The following PCDHA10 variants were observed in gnomAD, a reference collection of about 807,000 sequenced individuals.
The protein encoded by PCDHA10 is protocadherin alpha 10, also known as protocadherin alpha-10.
In PCDHA10, 45 loss-of-function variants were observed where a neutral mutation model predicts 61.2. The ratio of observed to expected loss-of-function variants is 0.74; its 90% CI spans 0.58 to 0.94. PCDHA10 has a LOEUF of 0.94. PCDHA10 is among the 40% of genes least tolerant of loss of function. The pLI is 0.00. For missense variants in PCDHA10, 1,278 were observed against 1,236.2 expected (o/e 1.03, Z -0.51); for synonymous variants, 602 against 548.8 (o/e 1.10, Z -1.35).
At chr5:140,925,787 C>T (rs972978659) in intron 1 of PCDHA10, among the ~76,000 whole-genome samples, 2 of 152,040 alleles carry the variant, frequency 1.3e-5, no homozygotes, top group Admixed American at 6.6e-5. Context: ...TAATGAGTAT[C>T]TCAGTACTTT....
chr5:140,927,614 A>G (rs1554204810), intron 1 of PCDHA10: 10 of 1,614,204 alleles, frequency 6.2e-6, no homozygotes, highest in South Asian at 1.1e-5. Flanking sequence ...TACCGCACCA[A>G]GGTTCCAGAG....
At chr5:140,928,536 GA>G (rs782686789) in intron 1 of PCDHA10, 1 of 1,614,228 alleles carries the variant, frequency 6.2e-7, no homozygotes, top group Non-Finnish European at 8.5e-7. Context: ...TGGTAGATAG[GA>G]ATGACAATTA....
Position 140,926,837 on chromosome 5 carries a change from G to A in PCDHA10, c.2389-52112G>A, listed in dbSNP as rs1170899993. 11 of 1,513,410 alleles carry A rather than the reference G, an allele frequency of 7.3e-6. No individual in the cohort carries two copies. In the African/African-American group the frequency reaches 1.4e-4, roughly 19 times the overall value. 93.7% of individuals were successfully genotyped at this position (1,513,410 alleles called of 1,614,324 possible). ...GTGCTCTCCAGGAGTCCGGAGCATG[G>A]TCCTGGGTCACCGTTGGTGTAGCGT... On this transcript the variant is annotated intron_variant, in intron 1 of 3. Coordinates refer to ENST00000307360, the MANE Select transcript of PCDHA10 (RefSeq NM_018901.4).
intron 1 of PCDHA10, among the ~76,000 whole-genome samples, chr5:140,908,155 G>C (rs559304647): frequency 6.6e-6 from 1 of 152,194 alleles, no homozygotes; most frequent in Non-Finnish European, 1.5e-5. Context: ...TCCTAGGAAG[G>C]GGCTGTAGTG....
chr5:140,968,203 G>A, intron 1 of PCDHA10: 5 of 1,614,018 alleles, frequency 3.1e-6, no homozygotes, highest in Non-Finnish European at 4.2e-6. Context: ...TCTACATACA[G>A]GAGAACAATT....
Position 140,855,925 on chromosome 5 carries a change from C to A in PCDHA10, c.-124C>A. 1.6e-6 allele frequency: 2 copies of A among 1,240,618 alleles called. No individual in the cohort carries two copies. Among genetic ancestry groups the A allele is most frequent in the African/African-American group, 1.5e-5 (1 of 66,734 alleles). The allele number at this position is 1,240,618 out of a possible 1,614,324, so 76.9% of individuals were successfully genotyped here. The stretch of plus-strand genomic sequence containing the variant: ...CAGTTTCTCAAGGACTAGGAAGTAG[C>A]GTCATTCTGAGATCTCAGCCATTTC... On this transcript the variant is annotated 5_prime_UTR_variant, in exon 1 of 4. Coordinates refer to ENST00000307360, the MANE Select transcript of PCDHA10 (RefSeq NM_018901.4).
At chr5:140,926,470 G>C (rs1244984672) in intron 1 of PCDHA10, 1 of 162,858 alleles carries the variant, frequency 6.1e-6, no homozygotes. Flanking sequence ...AGAAAACACC[G>C]TTTAAGGAGA....
intron 1 of PCDHA10, among the ~76,000 whole-genome samples, chr5:140,878,794 T>G (rs2057730678): frequency 6.6e-6 from 1 of 152,218 alleles, no homozygotes; most frequent in African/African-American, 2.4e-5. Flanking sequence ...CAATCACTTT[T>G]TAAAAACATA....
Position 140,979,718 on chromosome 5 carries a change from T to C in PCDHA10, c.2447+711T>C, listed in dbSNP as rs372148471. Among the ~76,000 whole-genome samples, 17 of 152,388 alleles carry C rather than the reference T, an allele frequency of 1.1e-4. No homozygotes were observed. The East Asian group carries it at 2.7e-3, about 24-fold the overall frequency. On this transcript the variant is annotated intron_variant, in intron 2 of 3. Transcript: ENST00000307360. ...ATTTCTGGAGGTGATCCAGTATCCA[T>C]GCCATGGGGCCAAATAAAAGATTCA...
intron 1 of PCDHA10, among the ~76,000 whole-genome samples, chr5:140,915,886 T>G (rs1259377999): frequency 2.6e-5 from 4 of 152,186 alleles, no homozygotes; most frequent in Admixed American, 6.5e-5. Flanking sequence ...GGGTAGCAAG[T>G]TCCCCCTGGC....
At chr5:140,962,280 A>C (rs1244354033) in intron 1 of PCDHA10, among the ~76,000 whole-genome samples, 1 of 152,224 alleles carries the variant, frequency 6.6e-6, no homozygotes, top group Non-Finnish European at 1.5e-5. Flanking sequence ...AAAAAACCTC[A>C]ACCTTTAATA....
chr5:140,984,178 A>C (rs2097090747), intron 3 of PCDHA10, among the ~76,000 whole-genome samples: 1 of 152,184 alleles, frequency 6.6e-6, no homozygotes, highest in South Asian at 2.1e-4. Context: ...AGCCACGTGA[A>C]ATCATGACTT....
At chr5:140,981,284 G>A (rs1554242765) in intron 2 of PCDHA10, among the ~76,000 whole-genome samples, 4 of 152,094 alleles carry the variant, frequency 2.6e-5, no homozygotes, top group Non-Finnish European at 5.9e-5. Context: ...GTTTAAAAGG[G>A]TCCTCTAGTC....
chr5:140,938,463 T>C (rs1399110046), intron 1 of PCDHA10, among the ~76,000 whole-genome samples: 1 of 152,216 alleles, frequency 6.6e-6, no homozygotes, highest in Non-Finnish European at 1.5e-5. Flanking sequence ...GTTTTTTAAT[T>C]TATTATGTTT....
chr5:140,966,258 A>G, intron 1 of PCDHA10: 1 of 337,520 alleles, frequency 3.0e-6, no homozygotes, highest in Non-Finnish European at 5.3e-6. Context: ...GAGACGGTGG[A>G]GACTGGATGA....
chr5:140,898,965 G>T (rs2067069000), intron 1 of PCDHA10, among the ~76,000 whole-genome samples: 1 of 152,044 alleles, frequency 6.6e-6, no homozygotes, highest in Non-Finnish European at 1.5e-5. Flanking sequence ...GTGAATGGGA[G>T]TTCACTCATG....
At chr5:140,919,925 G>A (rs2079351459) in intron 1 of PCDHA10, among the ~76,000 whole-genome samples, 1 of 152,124 alleles carries the variant, frequency 6.6e-6, no homozygotes, top group African/African-American at 2.4e-5. Flanking sequence ...AAATTTTCAG[G>A]TGGGGGCTAA....
chr5:140,927,933 C>G (rs1273187123), intron 1 of PCDHA10: 2 of 1,614,208 alleles, frequency 1.2e-6, no homozygotes, highest in East Asian at 4.5e-5. Context: ...CTCTTTCGAA[C>G]CCAGTACCTG....
At chr5:140,897,518 T>A (rs2066160092) in intron 1 of PCDHA10, among the ~76,000 whole-genome samples, 2 of 152,260 alleles carry the variant, frequency 1.3e-5, no homozygotes, top group Admixed American at 1.3e-4. Context: ...GGACATGAAC[T>A]CATCATTTTT....
Sources: gnomAD v4.1 joint callset for allele counts (sites outside exome capture counted in the v4.1 genomes callset) on GRCh38, gnomAD v4.1.1 for gene constraint, MANE v1.5 for transcripts, NCBI Gene and HGNC (gene_info 2026-07-23, HGNC 2026-07-21) for gene names.